SMARCA2: variants seen among roughly 807,000 people sequenced by gnomAD.
SMARCA2 encodes SWI/SNF related BAF chromatin remodeling complex subunit ATPase 2.
SMARCA2 carries 61 observed loss-of-function variants against 199.8 expected under a neutral mutation model. The observed-to-expected ratio is 0.31, with a 90% CI of 0.25 to 0.38. The LOEUF (loss-of-function observed/expected upper bound fraction) is 0.38. SMARCA2 is among the 10% of genes least tolerant of loss of function. The pLI is 1.00. For missense variants in SMARCA2, 1,344 were observed against 2,012.2 expected, an observed-to-expected ratio of 0.67 and a Z score of 6.35; for synonymous variants, 935 against 732.0, an observed-to-expected ratio of 1.28 and a Z score of -4.48.
chr9:2,080,002 C>G (rs952834970), intron 14 of SMARCA2: 1 of 152,158 alleles, frequency 6.6e-6, no homozygotes, highest in African/African-American at 2.4e-5. Flanking sequence ...GGATTTATAC[C>G]TTATGAAGTG....
chr9:2,090,764 C>A (rs1296084517), intron 19 of SMARCA2, among the ~76,000 whole-genome samples: 5 of 152,100 alleles, frequency 3.3e-5, no homozygotes, highest in African/African-American at 1.2e-4. Flanking sequence ...ACATCTCTCT[C>A]CATAAACTTT....
In SMARCA2 at chr9:2,186,079, C is replaced by T. The variant is rs1006246359; in HGVS notation, c.4462-17C>T. The T allele has an allele frequency of 1.2e-6, 2 of 1,610,882 alleles. No individual in the cohort carries two copies. Among genetic ancestry groups the T allele is most frequent in the South Asian group, 1.1e-5 (1 of 90,612 alleles). On this transcript the variant is annotated splice_polypyrimidine_tract_variant and intron_variant, in intron 31 of 33. Coordinates refer to ENST00000349721, the MANE Select transcript of SMARCA2 (RefSeq NM_003070.5). ...ACTCAGCTTGCAGTTTTAACAGATG[C>T]CCCTTTGACCATTTAGATCTATGAA...
chr9:2,192,412 G>A (rs1056486730), intron 33 of SMARCA2: 59 of 352,976 alleles, frequency 1.7e-4, no homozygotes, highest in Middle Eastern at 1.5e-3. Flanking sequence ...TCTAAAACCT[G>A]GGGCTGAAAA....
intron 21 of SMARCA2, among the ~76,000 whole-genome samples, chr9:2,100,478 G>C (rs1226932718): frequency 6.6e-6 from 1 of 152,174 alleles, no homozygotes; most frequent in South Asian, 2.1e-4. Flanking sequence ...AAGGCAAGCA[G>C]GTCACTTGAG....
chr9:2,032,093 T>C (rs1819096944), intron 2 of SMARCA2, among the ~76,000 whole-genome samples: 1 of 152,232 alleles, frequency 6.6e-6, no homozygotes, highest in African/African-American at 2.4e-5. Context: ...ATTAACTTTC[T>C]TTTCTCCAAA....
chr9:2,169,240 C>T lies in SMARCA2; in HGVS notation c.4200-1179C>T, dbSNP rs574002320. 1.9e-4 allele frequency among the ~76,000 whole-genome samples: 29 copies of T among 152,178 alleles called. No individual in the cohort carries two copies. Among genetic ancestry groups the T allele is most frequent in the East Asian group, 5.8e-4 (3 of 5,188 alleles). Reference sequence around the variant, plus strand: ...GCCTGGCAAGCTGCAGGGTGGACTGCGTGCCCTGCCTCCAGTCTCTTCCTG... The same window carrying T: ...GCCTGGCAAGCTGCAGGGTGGACTGTGTGCCCTGCCTCCAGTCTCTTCCTG... On this transcript the variant is annotated intron_variant, in intron 28 of 33. Coordinates refer to ENST00000349721, the MANE Select transcript of SMARCA2 (RefSeq NM_003070.5). This position sits in a 1 kb window ranked among gnomAD's most constrained non-coding sequence, Gnocchi z 6.5.
rs1232507724 is a variant in SMARCA2 at position 2,116,050 on chromosome 9, G to GT, written c.3684+2dup. The stretch of plus-strand genomic sequence containing the variant: ...CTTGGAGCATGAGGAGGAAAATGAG[G>GT]TATTAGAGAAAACCCCAAGTTTATG... On this transcript the variant is annotated splice_donor_variant, in intron 25 of 33. Coordinates refer to ENST00000349721, the MANE Select transcript of SMARCA2 (RefSeq NM_003070.5). LOFTEE classifies it high-confidence loss of function. 1 of 1,606,566 alleles carries GT rather than the reference G, an allele frequency of 6.2e-7. No homozygotes were observed. Among genetic ancestry groups the GT allele is most frequent in the Non-Finnish European group, 8.5e-7 (1 of 1,173,662 alleles).
At chr9:2,175,857 C>T (rs1826545995) in intron 29 of SMARCA2, among the ~76,000 whole-genome samples, 1 of 151,704 alleles carries the variant, frequency 6.6e-6, no homozygotes, top group South Asian at 2.1e-4. Context: ...TTGATATCCT[C>T]TGTTTTTTTG....
Position 2,190,326 on chromosome 9 carries a change from G to C in SMARCA2, c.4595-940G>C, listed in dbSNP as rs533414376. ...GATACATTGAAATAGGTTCACAGCAGCTTTGTTTATACTAGCAAAAAAAGC... is the reference window on the plus strand; with the variant it reads ...GATACATTGAAATAGGTTCACAGCACCTTTGTTTATACTAGCAAAAAAAGC... On this transcript the variant is annotated intron_variant, in intron 32 of 33. Coordinates refer to ENST00000349721, the MANE Select transcript of SMARCA2 (RefSeq NM_003070.5). Among the ~76,000 whole-genome samples, 4 of 138,334 alleles carry C rather than the reference G, an allele frequency of 2.9e-5. No homozygotes were observed. The East Asian group carries it at 9.2e-4, about 32-fold the overall frequency. 90.8% of individuals were successfully genotyped at this position (138,334 alleles called of 152,430 possible).
rs1018101954 is a variant in SMARCA2, at chr9:2,110,963, T to G, written c.3456+546T>G. The stretch of plus-strand genomic sequence containing the variant: ...TATTTAAAGTCATCATCAAAACATA[T>G]TCTAATGAGCATTTATTGTTGTAAA... On this transcript the variant is annotated intron_variant, in intron 24 of 33. Transcript: ENST00000349721. This position sits in a 1 kb window ranked among gnomAD's most constrained non-coding sequence, Gnocchi z 4.8. Among the ~76,000 whole-genome samples, 1 of 152,210 alleles carries G rather than the reference T, an allele frequency of 6.6e-6. No homozygotes were observed. The highest frequency in any genetic ancestry group is 1.5e-5 in the Non-Finnish European group (1 of 68,028).
intron 21 of SMARCA2, among the ~76,000 whole-genome samples, chr9:2,098,805 G>A (rs1020044360): frequency 6.6e-6 from 1 of 152,020 alleles, no homozygotes; most frequent in Non-Finnish European, 1.5e-5. Context: ...AAATTAGCTG[G>A]GTGTCGTGGC....
At chr9:2,084,047 T>A (rs772215573) in intron 16 of SMARCA2, 39 bp from the exon 17 acceptor site, 1 of 1,079,288 alleles carries the variant, frequency 9.3e-7, no homozygotes, top group African/African-American at 1.6e-5. Flanking sequence ...CACATATATG[T>A]CCATAGGATC....
At chr9:2,079,961 AT>A (rs1483858435) in intron 14 of SMARCA2, 1 of 152,202 alleles carries the variant, frequency 6.6e-6, no homozygotes, top group African/African-American at 2.4e-5. Context: ...GCTGCTGTAG[AT>A]TCCCCGAACA....
chr9:2,177,638 C>T lies in SMARCA2; in HGVS notation c.4254-3933C>T, dbSNP rs180739838. On this transcript the variant is annotated intron_variant, in intron 29 of 33. Transcript: ENST00000349721. ...CGCGATCTCAGCTCACCACAACCTCCGCCTCCTGGGTTCAAGCAATTCTCC... is the reference window on the plus strand; with the variant it reads ...CGCGATCTCAGCTCACCACAACCTCTGCCTCCTGGGTTCAAGCAATTCTCC... Among the ~76,000 whole-genome samples, 144 of 152,172 alleles carry T rather than the reference C, an allele frequency of 9.5e-4. 2 individuals carry two copies. Among genetic ancestry groups the T allele is most frequent in the African/African-American group, 3.2e-3 (134 of 41,498 alleles).
chr9:2,138,963 T>A (rs956471584), intron 27 of SMARCA2, among the ~76,000 whole-genome samples: 4 of 152,150 alleles, frequency 2.6e-5, no homozygotes, highest in Admixed American at 2.6e-4. Context: ...GCTTGACAAC[T>A]AAGGGTTCCC....
intron 27 of SMARCA2, chr9:2,160,469 A>C: frequency 3.5e-6 from 2 of 577,512 alleles, no homozygotes; most frequent in Non-Finnish European, 6.3e-6. Flanking sequence ...TGTGTTCTGC[A>C]CCAGGTTTTC....
chr9:2,027,685 C>G (rs557298088), intron 1 of SMARCA2: 1 of 152,122 alleles, frequency 6.6e-6, no homozygotes, highest in Non-Finnish European at 1.5e-5. Flanking sequence ...GTGTACTGCC[C>G]CTCCAGCCCG....
chr9:2,179,607 T>G (rs1020471219), intron 29 of SMARCA2, among the ~76,000 whole-genome samples: 11 of 152,212 alleles, frequency 7.2e-5, no homozygotes, highest in Admixed American at 7.2e-4. Flanking sequence ...TGTTTTAGCC[T>G]TACCCCTTAG....
At chr9:2,146,538 C>G (rs550079782) in intron 27 of SMARCA2, among the ~76,000 whole-genome samples, 74 of 152,202 alleles carry the variant, frequency 4.9e-4, no homozygotes, top group African/African-American at 1.7e-3. Context: ...GATCCAGATC[C>G]CAAGAGAGGG....
Sources: gnomAD v4.1 joint callset for allele counts (sites outside exome capture counted in the v4.1 genomes callset) on GRCh38, gnomAD v4.1.1 for gene constraint, Gnocchi (gnomAD v3.1) non-coding constraint, MANE v1.5 for transcripts, NCBI Gene and HGNC (gene_info 2026-07-23, HGNC 2026-07-21) for gene names.